The following ANKRD34B variants were observed in gnomAD, a reference collection of about 807,000 sequenced individuals.
The protein encoded by ANKRD34B is ankyrin repeat domain 34B, also known as ankyrin repeat domain-containing protein 34B.
A neutral mutation model predicts 4.4 loss-of-function variants in ANKRD34B; 2 were observed. The ratio of observed to expected loss-of-function variants is 0.46; its 90% CI spans 0.19 to 1.44. The LOEUF (loss-of-function observed/expected upper bound fraction) is 1.44. Among genes scored for constraint, ANKRD34B ranks in the 40% most tolerant of loss-of-function variants. ANKRD34B has a pLI of 0.26. For missense variants in ANKRD34B, 558 were observed against 604.7 expected, an observed-to-expected ratio of 0.92 and a Z score of 0.81; for synonymous variants, 226 against 227.1, an observed-to-expected ratio of 0.99 and a Z score of 0.05.
rs1286652971 is a variant in ANKRD34B at position 80,567,635 on chromosome 5, AAG to A, written c.-190-863_-190-862del. ...AGACTCCGTCTCAAAAAAAAAAAAA[AAG>A]AAAAGAAAAGAAAAGAAGGAAAAGT... On this transcript the variant is annotated intron_variant, in intron 2 of 4. Coordinates refer to ENST00000338682, the MANE Select transcript of ANKRD34B (RefSeq NM_001004441.3). 1.8e-4 allele frequency among the ~76,000 whole-genome samples: 19 copies of A among 108,028 alleles called. 2 individuals are homozygous for A. The East Asian group carries it at 5.1e-3, about 29-fold the overall frequency. The allele number at this position is 108,028 out of a possible 152,430, so 70.9% of individuals were successfully genotyped here. A position where few individuals can be genotyped will look rare whatever the true frequency, so the allele number is the denominator to read the frequency against.
At chr5:80,560,777 T>C (rs1176773881) in intron 4 of ANKRD34B, among the ~76,000 whole-genome samples, 1 of 152,230 alleles carries the variant, frequency 6.6e-6, no homozygotes, top group Non-Finnish European at 1.5e-5. Flanking sequence ...GTAAAAACTT[T>C]AGTATTACAT....
Position 80,558,508 on chromosome 5 carries a change from T to G in ANKRD34B, c.1512A>C (p.Gln504His). 6.2e-7 allele frequency: 1 copy of G among 1,613,472 alleles called. No individual in the cohort carries two copies. Among genetic ancestry groups the G allele is most frequent in the Non-Finnish European group, 8.5e-7 (1 of 1,179,612 alleles). The part of the protein sequence containing the change: ...KKMLLRRQSL[Q>H]TEQIKQLVNF ...TTACTAATTGCTTAATTTGTTCAGT[T>G]TGCAATGATTGTCTCCTTAACAACA... is the stretch of plus-strand genomic sequence containing the variant. Residue 504 changes from glutamine to histidine, a missense_variant, in exon 5 of 5, where the codon CAA becomes CAC. Coordinates refer to ENST00000338682, the MANE Select transcript of ANKRD34B (RefSeq NM_001004441.3).
At position 80,559,161 on chromosome 5, in the gene ANKRD34B, A is replaced by G; in HGVS notation, c.859T>C (p.Ser287Pro). The G allele has an allele frequency of 3.7e-6, 6 of 1,614,188 alleles. No homozygotes were observed. The highest frequency in any genetic ancestry group is 1.7e-5 in the Admixed American group (1 of 60,022). ...TGGTGCCTAGTGATGAACCGCTTGG[A>G]AAGTGCCAGCCCATTGGTTTTATAG... ...LSYKTNGLAL[S>P]KRFITRHQSI... The change falls in exon 5 of 5, where the codon TCC becomes CCC. Residue 287 changes from serine to proline, a missense_variant. Ser to Pro is a moderately conservative substitution (Grantham distance 74). Coordinates refer to ENST00000338682, the MANE Select transcript of ANKRD34B (RefSeq NM_001004441.3).
At position 80,558,405 on chromosome 5, in the gene ANKRD34B, A is replaced by T; in HGVS notation, c.*70T>A. ...ACGAGATTTAAAAGAATGAACATTT[A>T]AGATTTCTTCTCTAGTTCTTTGTTT... On this transcript the variant is annotated 3_prime_UTR_variant, in exon 5 of 5. Transcript: ENST00000338682. 8.2e-7 allele frequency: 1 copy of T among 1,221,700 alleles called. No individual in the cohort carries two copies. Among genetic ancestry groups the T allele is most frequent in the Non-Finnish European group, 1.1e-6 (1 of 875,712 alleles). 75.7% of individuals were successfully genotyped at this position (1,221,700 alleles called of 1,614,324 possible).
chr5:80,569,510 G>T (rs915825995), intron 1 of ANKRD34B, among the ~76,000 whole-genome samples: 9 of 152,038 alleles, frequency 5.9e-5, no homozygotes, highest in Admixed American at 3.3e-4. Flanking sequence ...AAAGGGCTCC[G>T]CAGTCCCCAG....
At chr5:80,562,077 G>A (rs1023762676) in intron 4 of ANKRD34B, among the ~76,000 whole-genome samples, 205 of 118,190 alleles carry the variant, frequency 1.7e-3, no homozygotes, top group Middle Eastern at 5.5e-3. Context: ...GTGTGTGTGT[G>A]TGTGTGTGTG....
At chr5:80,562,077 G>C (rs1023762676) in intron 4 of ANKRD34B, among the ~76,000 whole-genome samples, 4 of 118,080 alleles carry the variant, frequency 3.4e-5, no homozygotes, top group African/African-American at 9.1e-5. Flanking sequence ...GTGTGTGTGT[G>C]TGTGTGTGTG....
At chr5:80,567,564 T>C (rs953999428) in intron 2 of ANKRD34B, among the ~76,000 whole-genome samples, 2 of 135,974 alleles carry the variant, frequency 1.5e-5, no homozygotes, top group Non-Finnish European at 3.1e-5. Flanking sequence ...GAGGTTGCAG[T>C]GAGCCGAGAT....
intron 2 of ANKRD34B, 65 bp from the exon 3 acceptor site, chr5:80,566,839 C>T (rs756169240): frequency 1.2e-4 from 18 of 152,636 alleles, no homozygotes; most frequent in Non-Finnish European, 2.5e-4. Flanking sequence ...GCATCTTTCC[C>T]ATTTGGAGTC....
At chr5:80,570,059 T>C (rs193791) in intron 1 of ANKRD34B, 95 bp downstream of exon 1, 136,983 of 152,762 alleles carry the variant, frequency 0.9, 61,733 homozygotes, top group East Asian at 1. Context: ...GCCGCTGGGT[T>C]CCACGCTGCG....
At chr5:80,564,216 T>C (rs1207369037) in intron 3 of ANKRD34B, among the ~76,000 whole-genome samples, 1 of 152,210 alleles carries the variant, frequency 6.6e-6, no homozygotes, top group African/African-American at 2.4e-5. Context: ...CTTGCTATAT[T>C]GTCCAGGCTG....
At chr5:80,562,052 C>CGCGTGT (rs1554060549) in intron 4 of ANKRD34B, among the ~76,000 whole-genome samples, 2 of 128,256 alleles carry the variant, frequency 1.6e-5, no homozygotes, top group East Asian at 5.4e-4. Context: ...ACTGACTCAG[C>CGCGTGT]GTGTGTGTGT....
chr5:80,568,305 G>A (rs1746636104), intron 2 of ANKRD34B, among the ~76,000 whole-genome samples: 1 of 152,178 alleles, frequency 6.6e-6, no homozygotes, highest in African/African-American at 2.4e-5. Context: ...ATGGACCCCT[G>A]CCTCAGATTC....
At position 80,558,793 on chromosome 5, in the gene ANKRD34B, T is replaced by A. The variant is rs762667166; in HGVS notation, c.1227A>T (p.Glu409Asp). 4.3e-6 allele frequency: 7 copies of A among 1,614,126 alleles called. No homozygotes were observed. The highest frequency in any genetic ancestry group is 2.5e-6 in the Non-Finnish European group (3 of 1,180,008). The change falls in exon 5 of 5, where the codon GAA (glutamate) becomes GAT (aspartate). Residue 409 changes from glutamate to aspartate, a missense_variant. By Grantham distance (45) the Glu-to-Asp change is conservative (BLOSUM62 2). Transcript: ENST00000338682. ...GACCTGGGGGGATATTCTCCAACAA[T>A]TCTTTGGACTCTGACAATTGGGAAG... Reference protein sequence around the residue: ...PSPSQLSESKELLENIPPGPL... With the variant: ...PSPSQLSESKDLLENIPPGPL...
chr5:80,569,665 C>G (rs1395922500), intron 1 of ANKRD34B, among the ~76,000 whole-genome samples: 1 of 152,076 alleles, frequency 6.6e-6, no homozygotes, highest in Non-Finnish European at 1.5e-5. Flanking sequence ...GCGCCGCTCC[C>G]GCTGCTGCGC....
chr5:80,558,411 T>C lies in ANKRD34B; in HGVS notation c.*64A>G. 2 of 1,262,340 alleles carry C rather than the reference T, an allele frequency of 1.6e-6. No homozygotes were observed. Among genetic ancestry groups the C allele is most frequent in the Non-Finnish European group, 2.2e-6 (2 of 908,658 alleles). The allele number at this position is 1,262,340 out of a possible 1,614,324, so 78.2% of individuals were successfully genotyped here. On this transcript the variant is annotated 3_prime_UTR_variant, in exon 5 of 5. Transcript: ENST00000338682. ...TTTAAAAGAATGAACATTTAAGATT[T>C]CTTCTCTAGTTCTTTGTTTCTCTGA...
intron 1 of ANKRD34B, among the ~76,000 whole-genome samples, chr5:80,569,399 G>T (rs1007227660): frequency 5.3e-5 from 8 of 152,188 alleles, no homozygotes; most frequent in African/African-American, 1.9e-4. Flanking sequence ...CTGCTAAGGG[G>T]GTCCGGTATC....
chr5:80,568,027 A>G (rs1746628651), intron 2 of ANKRD34B, among the ~76,000 whole-genome samples: 2 of 152,210 alleles, frequency 1.3e-5, no homozygotes, highest in Middle Eastern at 3.2e-3. Context: ...TACGAATTCA[A>G]TAAATGTCCA....
At chr5:80,567,260 A>G (rs1024743410) in intron 2 of ANKRD34B, among the ~76,000 whole-genome samples, 1 of 152,114 alleles carries the variant, frequency 6.6e-6, no homozygotes, top group Non-Finnish European at 1.5e-5. Flanking sequence ...GCCATCTTGG[A>G]GACGATAGGC....
Sources: allele counts gnomAD v4.1 joint callset (sites outside exome capture counted in the v4.1 genomes callset), GRCh38; gene constraint gnomAD v4.1.1; transcripts MANE v1.5; gene names NCBI Gene and HGNC (gene_info 2026-07-23, HGNC 2026-07-21).